The following PRKN variants were observed in gnomAD, a reference collection of about 807,000 sequenced individuals.
The protein encoded by PRKN is E3 ubiquitin-protein ligase parkin.
Under a neutral mutation model 59.5 loss-of-function variants are expected in PRKN, and 56 were observed. That is an observed-to-expected ratio of 0.94 (90% CI 0.76 to 1.18). PRKN has a LOEUF of 1.18. PRKN is among the 50% of genes most tolerant of loss of function. PRKN has a pLI of 0.00. For synonymous variants in PRKN, 250 were observed against 222.1 expected, an observed-to-expected ratio of 1.13 and a Z score of -1.12; for missense variants, 657 against 596.4, an observed-to-expected ratio of 1.10 and a Z score of -1.06.
intron 1 of PRKN, among the ~76,000 whole-genome samples, chr6:162,713,756 A>G (rs542079001): frequency 2.8e-4 from 42 of 152,284 alleles, no homozygotes; most frequent in African/African-American, 9.9e-4. Flanking sequence ...AAAGCAAAAA[A>G]AAAGAACTTA....
intron 1 of PRKN, among the ~76,000 whole-genome samples, chr6:162,585,670 G>A (rs1781015450): frequency 6.6e-6 from 1 of 151,890 alleles, no homozygotes; most frequent in Non-Finnish European, 1.5e-5. Flanking sequence ...CAAATATACT[G>A]AGTATTTCAT....
chr6:161,822,794 G>A (rs1419100591), intron 6 of PRKN, among the ~76,000 whole-genome samples: 1 of 152,318 alleles, frequency 6.6e-6, no homozygotes, highest in African/African-American at 2.4e-5. Flanking sequence ...CATTGTTTAT[G>A]TGAGAATTAA....
chr6:161,915,943 C>T (rs1420720617), intron 6 of PRKN, among the ~76,000 whole-genome samples: 1 of 152,052 alleles, frequency 6.6e-6, no homozygotes, highest in African/African-American at 2.4e-5. Context: ...ATGATCATGG[C>T]TGCGAGGCTA....
At chr6:162,556,344 TGTGTGTGTGTG>T (rs1562381773) in intron 1 of PRKN, among the ~76,000 whole-genome samples, 1,969 of 87,352 alleles carry the variant, frequency 0.023, 27 homozygotes, top group Middle Eastern at 0.035. Flanking sequence ...ACTCAGCTGG[TGTGTGTGTGTG>T]TGTGTGTGTG....
At chr6:162,017,620 C>T (rs551785953) in intron 5 of PRKN, among the ~76,000 whole-genome samples, 42 of 152,124 alleles carry the variant, frequency 2.8e-4, no homozygotes, top group Non-Finnish European at 5.1e-4. Flanking sequence ...TCATTCTTCA[C>T]GACAAATATA....
intron 2 of PRKN, among the ~76,000 whole-genome samples, chr6:162,438,051 C>A (rs749332281): frequency 6.2e-4 from 94 of 152,084 alleles, no homozygotes; most frequent in Non-Finnish European, 1.1e-3. Flanking sequence ...TAGCAATTTG[C>A]GAGTAATCCA....
chr6:162,688,908 A>C (rs191835306), intron 1 of PRKN, among the ~76,000 whole-genome samples: 1 of 152,190 alleles, frequency 6.6e-6, no homozygotes, highest in Non-Finnish European at 1.5e-5. Flanking sequence ...CAGAAATTGA[A>C]CCATAAAGCT....
At chr6:162,126,091 A>G (rs1440343761) in intron 4 of PRKN, among the ~76,000 whole-genome samples, 1 of 152,218 alleles carries the variant, frequency 6.6e-6, no homozygotes. Flanking sequence ...CAACATAATA[A>G]TATTTTTGGG....
intron 2 of PRKN, among the ~76,000 whole-genome samples, chr6:162,283,021 T>A (rs547080602): frequency 7.2e-5 from 11 of 151,930 alleles, no homozygotes; most frequent in Admixed American, 4.6e-4. Flanking sequence ...GAAAAGATAA[T>A]GACAGTAAAT....
At chr6:162,282,760 A>T (rs766634869) in intron 2 of PRKN, among the ~76,000 whole-genome samples, 2 of 152,190 alleles carry the variant, frequency 1.3e-5, no homozygotes, top group Non-Finnish European at 1.5e-5. Context: ...ATTTGTCTGT[A>T]TGTTGTATAT....
intron 1 of PRKN, among the ~76,000 whole-genome samples, chr6:162,542,860 G>A (rs762784289): frequency 6.6e-6 from 1 of 152,110 alleles, no homozygotes; most frequent in African/African-American, 2.4e-5. Context: ...GGGTCATCTC[G>A]GTTGGGCTTG....
At position 161,445,609 on chromosome 6, in the gene PRKN, C is replaced by G. The variant is rs1222590620; in HGVS notation, c.1084-58732G>C. Among the ~76,000 whole-genome samples, 1 of 152,242 alleles carries G rather than the reference C, an allele frequency of 6.6e-6. No individual in the cohort carries two copies. Among genetic ancestry groups the G allele is most frequent in the Non-Finnish European group, 1.5e-5 (1 of 68,046 alleles). The stretch of plus-strand genomic sequence containing the variant: ...AGCAGGAGAAAGAGGCCACCTGTAT[C>G]ATCCACCCGTGCTGCAGCTGAATGG... On this transcript the variant is annotated intron_variant, in intron 9 of 11. Transcript: ENST00000366898. The surrounding 1 kb of genome is among the most constrained non-coding windows in gnomAD (Gnocchi z 7.7).
intron 1 of PRKN, among the ~76,000 whole-genome samples, chr6:162,619,745 G>A (rs1208667988): frequency 6.6e-6 from 1 of 151,868 alleles, no homozygotes; most frequent in Non-Finnish European, 1.5e-5. Context: ...ACCGCAGATA[G>A]GCAAGCAGGC....
At chr6:162,421,286 T>C (rs1470461352) in intron 2 of PRKN, among the ~76,000 whole-genome samples, 1 of 152,234 alleles carries the variant, frequency 6.6e-6, no homozygotes, top group East Asian at 1.9e-4. Context: ...ATTATTACCC[T>C]CACAGCGCCC....
intron 2 of PRKN, among the ~76,000 whole-genome samples, chr6:162,294,873 A>G (rs1372854698): frequency 6.6e-6 from 1 of 152,220 alleles, no homozygotes; most frequent in African/African-American, 2.4e-5. Flanking sequence ...GAGACTACTG[A>G]AATACTGCAC....
intron 7 of PRKN, among the ~76,000 whole-genome samples, chr6:161,596,303 T>TA (rs979588481): frequency 3.0e-4 from 45 of 150,798 alleles, no homozygotes; most frequent in African/African-American, 8.8e-4. Flanking sequence ...GGTTGGAGGT[T>TA]AAAAAAAAAC....
chr6:162,702,927 C>A (rs1354329818), intron 1 of PRKN, among the ~76,000 whole-genome samples: 1 of 152,014 alleles, frequency 6.6e-6, no homozygotes, highest in African/African-American at 2.4e-5. Flanking sequence ...TTGATTTAAC[C>A]ATAAAGGAAT....
rs11319727 is a variant in PRKN, at chr6:162,574,767, G to GT, written c.8-131295dup. 4.1e-3 allele frequency among the ~76,000 whole-genome samples: 547 copies of GT among 133,598 alleles called. 6 individuals carry two copies. The highest frequency in any genetic ancestry group is 0.015 in the African/African-American group (478 of 32,878). 87.6% of individuals were successfully genotyped at this position (133,598 alleles called of 152,430 possible). On this transcript the variant is annotated intron_variant, in intron 1 of 11. Transcript: ENST00000366898. ...CAACAGCAGTGAATGATACTAAGTT[G>GT]TTTTTTTTTTTTGCTGATTTGATAG...
chr6:161,353,450 C>T lies in PRKN; in HGVS notation c.1286-3239G>A, dbSNP rs560073081. Reference sequence around the variant, plus strand: ...CCGCATTTCAACACGGCTGTCCATGCTTCCATCGTGCCTATCCCAGGAAGT... The same window carrying T: ...CCGCATTTCAACACGGCTGTCCATGTTTCCATCGTGCCTATCCCAGGAAGT... On this transcript the variant is annotated intron_variant, in intron 11 of 11. Transcript: ENST00000366898. This position sits in a 1 kb window ranked among gnomAD's most constrained non-coding sequence, Gnocchi z 4.8. 6.6e-6 allele frequency among the ~76,000 whole-genome samples: 1 copy of T among 152,270 alleles called. No homozygotes were observed. Among genetic ancestry groups the T allele is most frequent in the South Asian group, 2.1e-4 (1 of 4,820 alleles).
Sources: allele counts gnomAD v4.1 joint callset (sites outside exome capture counted in the v4.1 genomes callset), GRCh38; gene constraint gnomAD v4.1.1; non-coding constraint Gnocchi (gnomAD v3.1); transcripts MANE v1.5; gene names NCBI Gene and HGNC (gene_info 2026-07-23, HGNC 2026-07-21).